Variants in GTF3C6 observed in about 807,000 individuals in gnomAD.
The protein encoded by GTF3C6 is general transcription factor IIIC subunit 6, also known as general transcription factor 3C polypeptide 6.
Under a neutral mutation model 19.2 loss-of-function variants are expected in GTF3C6, and 11 were observed. The ratio of observed to expected loss-of-function variants is 0.57; its 90% confidence interval spans 0.36 to 0.95. The LOEUF is 0.95. Ranked by LOEUF, GTF3C6 falls within the 40% of genes least tolerant of loss-of-function variation. GTF3C6 has a pLI of 0.01. For synonymous variants in GTF3C6, 87 were observed against 84.2 expected (o/e 1.03, Z -0.18); for missense variants, 222 against 254.7 (o/e 0.87, Z 0.87).
rs1357100153 is a variant in GTF3C6 at position 110,962,482 on chromosome 6, A to AG, written c.339dup (p.Lys114GlufsTer18). The AG allele has an allele frequency of 3.1e-6, 5 of 1,596,980 alleles. No homozygotes were observed. The highest frequency in any genetic ancestry group is 2.2e-5 in the East Asian group (1 of 44,810). On this transcript the variant is annotated frameshift_variant, in exon 5 of 6. Coordinates refer to ENST00000329970, the MANE Select transcript of GTF3C6 (RefSeq NM_138408.4). LOFTEE classifies it high-confidence loss of function. ...ATGACAAGAACTCTCCTGACAGAGA[A>AG]GAAGGAAGGAGAAGAAAACATAGGT...
At chr6:110,959,102 G>T in intron 1 of GTF3C6, 70 bp from the exon 2 acceptor site, 1 of 1,130,834 alleles carries the variant, frequency 8.8e-7, no homozygotes, top group African/African-American at 1.5e-5. Context: ...GGGAAATTTG[G>T]CTTCTTTTGC....
At chr6:110,963,864 G>T (rs146196678) in intron 5 of GTF3C6, among the ~76,000 whole-genome samples, 1 of 152,166 alleles carries the variant, frequency 6.6e-6, no homozygotes, top group African/African-American at 2.4e-5. Context: ...ACTAGGCCTG[G>T]ATGATTTTTG....
At chr6:110,959,003 C>T (rs1313729635) in intron 1 of GTF3C6, 169 bp from the exon 2 acceptor site, 6 of 839,916 alleles carry the variant, frequency 7.1e-6, no homozygotes, top group Non-Finnish European at 1.2e-5. Flanking sequence ...CTAATCGTCA[C>T]CCCGTACTTG....
At position 110,960,633 on chromosome 6, in the gene GTF3C6, C is replaced by T; in HGVS notation, c.247+17C>T. On this transcript the variant is annotated intron_variant, in intron 4 of 5. Transcript: ENST00000329970. ...TTGAACATGGTAAGTGATTGCTAGCCCAGCCCTTTTTAATACGAACTATTT... is the reference window on the plus strand; with the variant it reads ...TTGAACATGGTAAGTGATTGCTAGCTCAGCCCTTTTTAATACGAACTATTT... The T allele has an allele frequency of 6.3e-7, 1 of 1,598,136 alleles. No individual in the cohort carries two copies. The highest frequency in any genetic ancestry group is 8.6e-7 in the Non-Finnish European group (1 of 1,165,670).
chr6:110,960,964 T>C (rs1323756041), intron 4 of GTF3C6, among the ~76,000 whole-genome samples: 1 of 151,806 alleles, frequency 6.6e-6, no homozygotes, highest in Non-Finnish European at 1.5e-5. Context: ...GAGAATTGCT[T>C]GAACCTGGGA....
Position 110,960,458 on chromosome 6 carries a change from C to G in GTF3C6, c.183C>G (p.Val61=). 2.5e-6 allele frequency: 4 copies of G among 1,613,746 alleles called. No homozygotes were observed. The highest frequency in any genetic ancestry group is 3.4e-6 in the Non-Finnish European group (4 of 1,179,902). Residue 61 remains valine, a synonymous_variant, in exon 3 of 6, where the codon GTC becomes GTG. Coordinates refer to ENST00000329970, the MANE Select transcript of GTF3C6 (RefSeq NM_138408.4). ...ERPILQVDSC[V]FAGEYEDTLG... ...CCATTCTGCAAGTGGACAGCTGTGT[C>G]TTTGCTGGGGAGTATGAAGGTAGGA...
At chr6:110,962,339 T>C in intron 4 of GTF3C6, 53 bp from the exon 5 acceptor site, 2 of 937,794 alleles carry the variant, frequency 2.1e-6, no homozygotes, top group Non-Finnish European at 1.7e-6. Context: ...GCTTCATCTT[T>C]GTTTTATTTG....
At position 110,967,856 on chromosome 6, in the gene GTF3C6, A is replaced by G; in HGVS notation, c.*66A>G. ...AAGAACTTTTTAGAGTTGTTACATAAAAATAATTGCTGTGTAGCTTTCAGT... is the reference window on the plus strand; with the variant it reads ...AAGAACTTTTTAGAGTTGTTACATAGAAATAATTGCTGTGTAGCTTTCAGT... On this transcript the variant is annotated 3_prime_UTR_variant, in exon 6 of 6. Transcript: ENST00000329970. The G allele has an allele frequency of 7.4e-7, 1 of 1,342,894 alleles. No homozygotes were observed. The highest frequency in any genetic ancestry group is 1.5e-5 in the African/African-American group (1 of 68,248). The allele number at this position is 1,342,894 out of a possible 1,614,324, so 83.2% of individuals were successfully genotyped here.
Position 110,962,409 on chromosome 6 carries a change from A to G in GTF3C6, c.265A>G (p.Asn89Asp). Residue 89 changes from asparagine (N) to aspartate (D), a missense_variant, in exon 5 of 6, where the codon AAT (asparagine) becomes GAT (aspartate). Transcript: ENST00000329970. ...TGTTCCAGCTGATACAGAAGGCAATAATAAAACAGTGCTAAAATATAAATG... is the reference window on the plus strand; with the variant it reads ...TGTTCCAGCTGATACAGAAGGCAATGATAAAACAGTGCTAAAATATAAATG... Reference protein sequence around the residue: ...NVEHADTEGNNKTVLKYKCHT... With the variant: ...NVEHADTEGNDKTVLKYKCHT... 6.3e-7 allele frequency: 1 copy of G among 1,593,312 alleles called. No individual in the cohort carries two copies.
chr6:110,967,790 G>T lies in GTF3C6; in HGVS notation c.642G>T (p.Ter214TyrextTer22), dbSNP rs776450803. ...TTATGGAAACTCAAATGCTGCCTTA[G>T]AAATCACTCCTAGATGAAATGTTTC... Reference protein sequence around the residue: ...SVFMETQMLP* With the variant: ...SVFMETQMLPY Residue 214 changes from the stop codon to tyrosine (Y), a stop_lost, in exon 6 of 6, where the codon TAG becomes TAT. Transcript: ENST00000329970. 6.3e-7 allele frequency: 1 copy of T among 1,597,282 alleles called. No individual in the cohort carries two copies. The highest frequency in any genetic ancestry group is 8.5e-7 in the Non-Finnish European group (1 of 1,173,290).
intron 4 of GTF3C6, among the ~76,000 whole-genome samples, chr6:110,961,427 A>G (rs765353599): frequency 4.6e-5 from 7 of 152,194 alleles, no homozygotes; most frequent in Non-Finnish European, 8.8e-5. Flanking sequence ...CTGGGATTAC[A>G]GGTGTGAGCC....
In GTF3C6 at chr6:110,967,852, C is replaced by A. The variant is rs1348560100; in HGVS notation, c.*62C>A. 1.4e-6 allele frequency: 2 copies of A among 1,401,092 alleles called. No homozygotes were observed. The highest frequency in any genetic ancestry group is 2.2e-5 in the Admixed American group (1 of 44,540). The allele number at this position is 1,401,092 out of a possible 1,614,324, so 86.8% of individuals were successfully genotyped here. ...TGTCAAGAACTTTTTAGAGTTGTTA[C>A]ATAAAAATAATTGCTGTGTAGCTTT... On this transcript the variant is annotated 3_prime_UTR_variant, in exon 6 of 6. Coordinates refer to ENST00000329970, the MANE Select transcript of GTF3C6 (RefSeq NM_138408.4).
At chr6:110,961,300 G>A (rs574719353) in intron 4 of GTF3C6, among the ~76,000 whole-genome samples, 54 of 151,876 alleles carry the variant, frequency 3.6e-4, no homozygotes, top group African/African-American at 1.2e-3. Context: ...ACAGGCGCCT[G>A]CCACCACGCC....
At position 110,962,426 on chromosome 6, in the gene GTF3C6, A is replaced by C; in HGVS notation, c.282A>C (p.Lys94Asn). The C allele has an allele frequency of 6.2e-7, 1 of 1,609,808 alleles. No individual in the cohort carries two copies. The highest frequency in any genetic ancestry group is 8.5e-7 in the Non-Finnish European group (1 of 1,176,084). Residue 94 changes from lysine to asparagine, a missense_variant, in exon 5 of 6, where the codon AAA becomes AAC. Lys to Asn is a moderately conservative substitution (Grantham distance 94). Coordinates refer to ENST00000329970, the MANE Select transcript of GTF3C6 (RefSeq NM_138408.4). ...AAGGCAATAATAAAACAGTGCTAAA[A>C]TATAAATGCCATACAATGAAGAAGC... ...DTEGNNKTVL[K>N]YKCHTMKKLS...
chr6:110,967,737 A>G lies in GTF3C6; in HGVS notation c.589A>G (p.Ile197Val). The G allele has an allele frequency of 1.2e-6, 2 of 1,613,618 alleles. No homozygotes were observed. Among genetic ancestry groups the G allele is most frequent in the Non-Finnish European group, 1.7e-6 (2 of 1,179,732 alleles). The change falls in exon 6 of 6, where the codon ATA becomes GTA. Residue 197 changes from isoleucine to valine, a missense_variant. Physicochemically the swap from Ile to Val is conservative, Grantham distance 29. Coordinates refer to ENST00000329970, the MANE Select transcript of GTF3C6 (RefSeq NM_138408.4). ...EIEDSGPLID[I>V]PSETEGSVFM... Reference sequence around the variant, plus strand: ...AGAAGATTCTGGTCCTCTTATTGATATACCTTCTGAGACAGAAGGTTCTGT... The same window carrying G: ...AGAAGATTCTGGTCCTCTTATTGATGTACCTTCTGAGACAGAAGGTTCTGT...
rs1050149561 is a variant in GTF3C6, at chr6:110,967,685, A to G, written c.537A>G (p.Glu179=). 14 of 1,614,022 alleles carry G rather than the reference A, an allele frequency of 8.7e-6. No homozygotes were observed. In the African/African-American group the frequency reaches 1.9e-4, roughly 22 times the overall value. Residue 179 remains glutamate (E), a synonymous_variant, in exon 6 of 6, where the codon GAA becomes GAG. Transcript: ENST00000329970. Reference sequence around the variant, plus strand: ...ACGACAGTTCAAACCTGAGTTGTGAACAGGAGAAACCAATGCACTTGGAAA... The same window carrying G: ...ACGACAGTTCAAACCTGAGTTGTGAGCAGGAGAAACCAATGCACTTGGAAA... The part of the protein sequence containing the change: ...QMNDSSNLSC[E]QEKPMHLEIE...
chr6:110,967,329 A>G (rs1194882975), intron 5 of GTF3C6, among the ~76,000 whole-genome samples, 181 bp from the exon 6 acceptor site: 3 of 152,190 alleles, frequency 2.0e-5, no homozygotes, highest in Admixed American at 1.3e-4. Context: ...AGGCATTCCA[A>G]GGTCTCCAGA....
At chr6:110,959,434 G>A (rs193286261) in intron 2 of GTF3C6, among the ~76,000 whole-genome samples, 182 bp downstream of exon 2, 13 of 152,290 alleles carry the variant, frequency 8.5e-5, no homozygotes, top group East Asian at 7.7e-4. Flanking sequence ...TAATGTAGAA[G>A]TACAGCGGGG....
intron 4 of GTF3C6, among the ~76,000 whole-genome samples, chr6:110,961,421 G>A (rs1190310814): frequency 6.6e-6 from 1 of 152,160 alleles, no homozygotes; most frequent in Admixed American, 6.5e-5. Flanking sequence ...AAAGTGCTGG[G>A]ATTACAGGTG....
Sources: gnomAD v4.1 joint callset for allele counts (sites outside exome capture counted in the v4.1 genomes callset) on GRCh38, gnomAD v4.1.1 for gene constraint, MANE v1.5 for transcripts, NCBI Gene and HGNC (gene_info 2026-07-23, HGNC 2026-07-21) for gene names.